Variants in DIAPH2 observed in about 807,000 individuals in gnomAD.
DIAPH2 encodes diaphanous related formin 2.
DIAPH2 carries 35 observed loss-of-function variants against 92.7 expected under a neutral mutation model. The observed-to-expected ratio is 0.38, with a 90% CI of 0.29 to 0.50. DIAPH2 has a LOEUF of 0.50. DIAPH2 is among the 20% of genes least tolerant of loss of function. The pLI, the probability that DIAPH2 is intolerant of heterozygous loss-of-function variation, is 0.94. For missense variants in DIAPH2, 701 were observed against 819.5 expected (o/e 0.86, Z 1.77); for synonymous variants, 301 against 280.4 (o/e 1.07, Z -0.73).
At chrX:96,906,304 T>C (rs1483503965) in intron 5 of DIAPH2, among the ~76,000 whole-genome samples, 1 of 112,114 alleles carries the variant, frequency 8.9e-6, no homozygotes, top group African/African-American at 3.2e-5. Flanking sequence ...TTTAGTATAA[T>C]TTTAGTCATC....
chrX:97,419,815 T>G (rs1361363257), intron 25 of DIAPH2, among the ~76,000 whole-genome samples: 1 of 112,386 alleles, frequency 8.9e-6, no homozygotes, highest in African/African-American at 3.2e-5. Context: ...TTTCAGAGAT[T>G]AAACTCAGAT....
In DIAPH2 at chrX:97,284,748, G is replaced by A. The variant is rs146015114; in HGVS notation, c.2844+36909G>A. The stretch of plus-strand genomic sequence containing the variant: ...CAGCCTCCCAGGAAGTTCTCAAATT[G>A]TGAATATTTGGAGTTAGAGAGAGAG... On this transcript the variant is annotated intron_variant, in intron 23 of 26. Transcript: ENST00000324765. Among the ~76,000 whole-genome samples, 638 of 110,992 alleles carry A rather than the reference G, an allele frequency of 5.7e-3. 2 individuals are homozygous for A. Among genetic ancestry groups the A allele is most frequent in the African/African-American group, 0.02 (604 of 30,540 alleles).
chrX:96,834,711 A>G (rs2064876169), intron 4 of DIAPH2, among the ~76,000 whole-genome samples: 1 of 111,975 alleles, frequency 8.9e-6, no homozygotes, highest in South Asian at 3.7e-4. Context: ...GTCAGATTTT[A>G]CAGGATAACT....
rs5967332 is a variant in DIAPH2 at position 96,912,666 on chromosome X, A to G, written c.732+114A>G. 276,608 of 919,091 alleles carry G rather than the reference A, an allele frequency of 0.3. 29,991 individuals carry two copies. The highest frequency in any genetic ancestry group is 0.43 in the East Asian group (11,675 of 26,867). The allele number at this position is 919,091 out of a possible 1,213,427, so 75.7% of individuals were successfully genotyped here. Reference sequence around the variant, plus strand: ...TTATTTTTTTTAATTTCCAGGGTACATGTATATAGGCGAACATGTGCCATG... The same window carrying G: ...TTATTTTTTTTAATTTCCAGGGTACGTGTATATAGGCGAACATGTGCCATG... On this transcript the variant is annotated intron_variant, in intron 7 of 26. Coordinates refer to ENST00000324765, the MANE Select transcript of DIAPH2 (RefSeq NM_006729.5).
chrX:96,962,492 CACACATATATAT>C (rs1433083345), intron 16 of DIAPH2, among the ~76,000 whole-genome samples: 12 of 19,564 alleles, frequency 6.1e-4, no homozygotes, highest in African/African-American at 1.7e-3. Flanking sequence ...CACACACACA[CACACATATATAT>C]ATATATATAT....
intron 20 of DIAPH2, among the ~76,000 whole-genome samples, chrX:97,106,818 G>C (rs1436399470): frequency 8.9e-6 from 1 of 111,756 alleles, no homozygotes; most frequent in African/African-American, 3.3e-5. Context: ...TGTAATTCCA[G>C]TTACTCAGGA....
intron 4 of DIAPH2, among the ~76,000 whole-genome samples, chrX:96,760,350 G>A (rs60292305): frequency 0.22 from 23,708 of 110,153 alleles, 1,941 homozygotes; most frequent in East Asian, 0.33. Context: ...CATTATCACA[G>A]CACTAAAGTT....
At chrX:97,161,771 A>G (rs2067375849) in intron 22 of DIAPH2, among the ~76,000 whole-genome samples, 1 of 111,745 alleles carries the variant, frequency 8.9e-6, no homozygotes, top group Non-Finnish European at 1.9e-5. Flanking sequence ...CTGGGGGTAC[A>G]TTGCTTTTGT....
At position 97,550,392 on chromosome X, in the gene DIAPH2, A is replaced by G. The variant is rs2071211598; in HGVS notation, c.3242-48861A>G. ...TAAATAAAAATAAAATATGTATTAT[A>G]TAAGTTAGGGACAATCTGGTCTTTC... On this transcript the variant is annotated intron_variant, in intron 26 of 26. Transcript: ENST00000324765. Among the ~76,000 whole-genome samples, 9 of 112,252 alleles carry G rather than the reference A, an allele frequency of 8.0e-5. No homozygotes were observed. The South Asian group carries it at 2.6e-3, about 32-fold the overall frequency.
chrX:97,289,884 C>G (rs962626477), intron 23 of DIAPH2, among the ~76,000 whole-genome samples: 5 of 109,941 alleles, frequency 4.5e-5, no homozygotes, highest in Admixed American at 9.8e-5. Flanking sequence ...GCCAGCACAC[C>G]TGGCTAACTT....
chrX:97,546,016 G>A (rs1350928462), intron 26 of DIAPH2, among the ~76,000 whole-genome samples: 5 of 110,838 alleles, frequency 4.5e-5, no homozygotes, highest in Non-Finnish European at 9.5e-5. Flanking sequence ...TGTCAAATTC[G>A]AATGAGACTT....
chrX:97,114,625 T>C (rs778035094), intron 20 of DIAPH2, 101 bp from the exon 21 acceptor site: 8 of 749,040 alleles, frequency 1.1e-5, no homozygotes, highest in Non-Finnish European at 1.4e-5. Flanking sequence ...ACTGACTTTA[T>C]GCAGAAATGT....
rs371460391 is a variant in DIAPH2, at chrX:97,530,826, A to G, written c.3242-68427A>G. 1.2e-4 allele frequency among the ~76,000 whole-genome samples: 14 copies of G among 112,133 alleles called. No individual in the cohort carries two copies. In the East Asian group the frequency reaches 3.9e-3, roughly 31 times the overall value. Reference sequence around the variant, plus strand: ...ATCCATTAAAAAATAATAAAGAGGTAGGAGGACAGTGACAATTAGTGAAAA... The same window carrying G: ...ATCCATTAAAAAATAATAAAGAGGTGGGAGGACAGTGACAATTAGTGAAAA... On this transcript the variant is annotated intron_variant, in intron 26 of 26. Coordinates refer to ENST00000324765, the MANE Select transcript of DIAPH2 (RefSeq NM_006729.5).
At chrX:97,241,544 C>T (rs971986651) in intron 22 of DIAPH2, among the ~76,000 whole-genome samples, 4 of 110,466 alleles carry the variant, frequency 3.6e-5, no homozygotes, top group Admixed American at 2.9e-4. Context: ...GTGATCCGAC[C>T]GCCTCAGCCT....
intron 5 of DIAPH2, among the ~76,000 whole-genome samples, chrX:96,899,099 T>C (rs1337832481): frequency 9.0e-6 from 1 of 111,163 alleles, no homozygotes; most frequent in Non-Finnish European, 1.9e-5. Context: ...TCTGTTTTGG[T>C]ACCAGTACCA....
At chrX:96,939,576 GTGTGTA>G (rs1474994830) in intron 12 of DIAPH2, among the ~76,000 whole-genome samples, 194 bp downstream of exon 12, 1 of 60,304 alleles carries the variant, frequency 1.7e-5, no homozygotes, top group Non-Finnish European at 3.4e-5. Context: ...ATGTGTGTGT[GTGTGTA>G]TATGTGTGTG....
chrX:96,793,658 T>C (rs1445941340), intron 4 of DIAPH2: 1 of 373,190 alleles, frequency 2.7e-6, no homozygotes, highest in Non-Finnish European at 5.2e-6. Flanking sequence ...TGTTTCTTCC[T>C]CTTATAAGGG....
At chrX:96,928,284 G>C (rs1213730689) in intron 9 of DIAPH2, among the ~76,000 whole-genome samples, 1 of 110,882 alleles carries the variant, frequency 9.0e-6, no homozygotes, top group Non-Finnish European at 1.9e-5. Flanking sequence ...ATTATGTAAA[G>C]GACCTAATAC....
chrX:97,085,737 A>G (rs1199277466), intron 19 of DIAPH2, among the ~76,000 whole-genome samples: 3 of 112,093 alleles, frequency 2.7e-5, no homozygotes, highest in Non-Finnish European at 5.6e-5. Context: ...CATATTAAAT[A>G]ATTAATCAGG....
Sources: gnomAD v4.1 joint callset for allele counts (sites outside exome capture counted in the v4.1 genomes callset) on GRCh38, gnomAD v4.1.1 for gene constraint, MANE v1.5 for transcripts, NCBI Gene and HGNC (gene_info 2026-07-23, HGNC 2026-07-21) for gene names.